NRG1: variants seen among roughly 807,000 people sequenced by gnomAD.
NRG1 encodes neuregulin 1, also known as pro-neuregulin-1, membrane-bound isoform.
Under a neutral mutation model 63.8 loss-of-function variants are expected in NRG1, and 18 were observed. The observed-to-expected ratio is 0.28, with a 90% CI of 0.19 to 0.42. The LOEUF (loss-of-function observed/expected upper bound fraction) is 0.42, where lower values mean the gene tolerates loss of function less well. Among genes scored for constraint, NRG1 ranks in the 10% least tolerant of loss-of-function variants. The pLI is 1.00. For synonymous variants in NRG1, 302 were observed against 301.3 expected, an observed-to-expected ratio of 1.00 and a Z score of -0.02; for missense variants, 762 against 814.7, an observed-to-expected ratio of 0.94 and a Z score of 0.79.
At position 32,365,621 on chromosome 8, in the gene NRG1, T is replaced by C. The variant is rs1222849357; in HGVS notation, c.38-230207T>C. 5.3e-5 allele frequency among the ~76,000 whole-genome samples: 8 copies of C among 152,320 alleles called. No homozygotes were observed. The East Asian group carries it at 1.5e-3, about 29-fold the overall frequency. On this transcript the variant is annotated intron_variant, in intron 1 of 10. Coordinates refer to the NRG1 transcript ENST00000519301. ...AGTACACCTTTTTTCCATAAATGGC[T>C]AAATAGTAAATATTTTAGACTTCAT...
In NRG1 at chr8:31,881,065, A is replaced by G. The variant is rs113627004; in HGVS notation, c.37+241634A>G. Among the ~76,000 whole-genome samples, 31 of 152,288 alleles carry G rather than the reference A, an allele frequency of 2.0e-4. 1 individual carries two copies. Among genetic ancestry groups the G allele is most frequent in the African/African-American group, 7.5e-4 (31 of 41,578 alleles). ...TTAACATTCATTCATTCATTCATTT[A>G]TTCAACATTTTTAAGTTTCCGTTCC... is the stretch of plus-strand genomic sequence containing the variant. On this transcript the variant is annotated intron_variant, in intron 1 of 10. Transcript: ENST00000519301.
At chr8:31,813,719 G>A (rs142039805) in intron 1 of NRG1, among the ~76,000 whole-genome samples, 4 of 151,858 alleles carry the variant, frequency 2.6e-5, no homozygotes, top group East Asian at 1.9e-4. Flanking sequence ...GTCAAGACAA[G>A]GTTTGTCATG....
At chr8:31,642,839 C>T (rs1803928373) in intron 1 of NRG1, among the ~76,000 whole-genome samples, 1 of 152,162 alleles carries the variant, frequency 6.6e-6, no homozygotes, top group Non-Finnish European at 1.5e-5. Flanking sequence ...TAAGTTCTAA[C>T]TGAAATCATG....
At chr8:32,322,369 A>G (rs1419718636) in intron 1 of NRG1, among the ~76,000 whole-genome samples, 2 of 150,404 alleles carry the variant, frequency 1.3e-5, no homozygotes, top group Non-Finnish European at 3.0e-5. Context: ...ATATATATAT[A>G]TATATATACC....
At chr8:32,582,463 C>A (rs1039496186) in intron 1 of NRG1, among the ~76,000 whole-genome samples, 1 of 152,086 alleles carries the variant, frequency 6.6e-6, no homozygotes, top group Admixed American at 6.6e-5. Flanking sequence ...TTAATTAATT[C>A]CTTATGAGTT....
At chr8:32,764,070 T>C (rs1831185501) in exon 12 of NRG1, 2 of 1,613,332 alleles carry the variant, frequency 1.2e-6, no homozygotes, top group East Asian at 2.2e-5. Context: ...GACCCAAGAG[T>C]ACGAGCCAGC....
chr8:32,514,145 C>T (rs1215590280), intron 1 of NRG1, among the ~76,000 whole-genome samples: 1 of 151,942 alleles, frequency 6.6e-6, no homozygotes, highest in Non-Finnish European at 1.5e-5. Context: ...TTTTTGTTTG[C>T]CAAGAACAAA....
intron 1 of NRG1, among the ~76,000 whole-genome samples, chr8:32,291,498 C>A (rs1464241984): frequency 2.0e-5 from 3 of 149,980 alleles, no homozygotes; most frequent in African/African-American, 7.4e-5. Context: ...CCTATTAATC[C>A]TAAAGTAAAA....
intron 1 of NRG1, among the ~76,000 whole-genome samples, chr8:31,688,364 C>T (rs531500399): frequency 6.6e-6 from 1 of 152,248 alleles, no homozygotes; most frequent in Non-Finnish European, 1.5e-5. Context: ...ACATGCGAAA[C>T]GCAGTGAGAA....
chr8:31,842,070 G>T (rs570396401), intron 1 of NRG1, among the ~76,000 whole-genome samples: 39 of 152,306 alleles, frequency 2.6e-4, no homozygotes, highest in African/African-American at 9.4e-4. Flanking sequence ...GTCAAACCTT[G>T]TTATTCCATA....
At chr8:31,924,630 AC>A (rs1349076391) in intron 1 of NRG1, among the ~76,000 whole-genome samples, 1 of 67,986 alleles carries the variant, frequency 1.5e-5, no homozygotes, top group Non-Finnish European at 3.3e-5. Flanking sequence ...TTTTTTTTTC[AC>A]TTTTTCTCAT....
chr8:32,158,560 A>C (rs1239817584), intron 1 of NRG1, among the ~76,000 whole-genome samples: 6 of 149,276 alleles, frequency 4.0e-5, no homozygotes. Flanking sequence ...GGTAGAATTA[A>C]ACTTGTTTCC....
Position 31,720,114 on chromosome 8 carries a change from C to T in NRG1, c.37+80683C>T, listed in dbSNP as rs138275444. The stretch of plus-strand genomic sequence containing the variant: ...TTATTCCTTCTGGATTTTAATTTAA[C>T]GCTTGTTTGTATCTCTATGATAGCA... On this transcript the variant is annotated intron_variant, in intron 1 of 10. Transcript: ENST00000519301. Among the ~76,000 whole-genome samples, 471 of 152,116 alleles carry T rather than the reference C, an allele frequency of 3.1e-3. 1 individual carries two copies. The highest frequency in any genetic ancestry group is 9.3e-3 in the African/African-American group (384 of 41,504).
At chr8:32,002,761 C>G (rs1813139778) in intron 1 of NRG1, among the ~76,000 whole-genome samples, 1 of 152,116 alleles carries the variant, frequency 6.6e-6, no homozygotes, top group African/African-American at 2.4e-5. Flanking sequence ...TGTATACTAA[C>G]TTGTGCCTGC....
intron 1 of NRG1, among the ~76,000 whole-genome samples, chr8:31,690,494 A>T (rs563584468): frequency 6.6e-6 from 1 of 152,338 alleles, no homozygotes; most frequent in South Asian, 2.1e-4. Flanking sequence ...AGACTGATCA[A>T]GTAACAGCAG....
In NRG1 at chr8:32,052,681, A is replaced by G. The variant is rs1266355221; in HGVS notation, c.37+413250A>G. Among the ~76,000 whole-genome samples, 6 of 152,296 alleles carry G rather than the reference A, an allele frequency of 3.9e-5. No homozygotes were observed. The East Asian group carries it at 1.2e-3, about 29-fold the overall frequency. On this transcript the variant is annotated intron_variant, in intron 1 of 10. Coordinates refer to the NRG1 transcript ENST00000519301. ...AGTTTCATCTCATTTAGAAATGTGG[A>G]AGAATGAGAACCCTTAGTTTACCTT...
At chr8:32,324,152 C>T (rs1304296579) in intron 1 of NRG1, among the ~76,000 whole-genome samples, 3 of 152,014 alleles carry the variant, frequency 2.0e-5, no homozygotes, top group Non-Finnish European at 4.4e-5. Flanking sequence ...CTTCTGGTAT[C>T]TTCAGGCACA....
At chr8:32,749,491 G>C in intron 7 of NRG1, 1 of 1,452,312 alleles carries the variant, frequency 6.9e-7, no homozygotes, top group Non-Finnish European at 9.7e-7. Context: ...GTTTTGGAGT[G>C]CAGTGTATTG....
intron 6 of NRG1, 110 bp from the exon 7 acceptor site, chr8:32,741,898 G>A (rs1445698894): frequency 9.3e-6 from 7 of 756,072 alleles, no homozygotes; most frequent in Non-Finnish European, 1.4e-5. Flanking sequence ...ATATTGCTTG[G>A]TACCAGATCA....
Sources: gnomAD v4.1 joint callset for allele counts (sites outside exome capture counted in the v4.1 genomes callset) on GRCh38, gnomAD v4.1.1 for gene constraint, MANE v1.5 for transcripts, NCBI Gene and HGNC (gene_info 2026-07-23, HGNC 2026-07-21) for gene names.